SV2C: variants seen among roughly 807,000 people sequenced by gnomAD.
SV2C encodes solute carrier family 22 member B3.
A neutral mutation model predicts 79.7 loss-of-function variants in SV2C; 49 were observed. That is an observed-to-expected ratio of 0.61 (90% CI 0.49 to 0.78). The LOEUF (loss-of-function observed/expected upper bound fraction) is 0.78. Ranked by LOEUF, SV2C falls within the 30% of genes least tolerant of loss-of-function variation. SV2C has a pLI of 0.00. For synonymous variants in SV2C, 334 were observed against 333.2 expected, an observed-to-expected ratio of 1.00 and a Z score of -0.03; for missense variants, 833 against 912.9, an observed-to-expected ratio of 0.91 and a Z score of 1.13.
At chr5:76,024,321 A>T in the SV2C span, among the ~76,000 whole-genome samples, 1 of 152,220 alleles carries the variant, frequency 6.6e-6, no homozygotes, top group South Asian at 2.1e-4. Flanking sequence ...AACTTTTCAA[A>T]ATATATATAT....
intron 1 of SV2C, among the ~76,000 whole-genome samples, chr5:76,086,268 G>C (rs539216309): frequency 8.5e-5 from 13 of 152,304 alleles, no homozygotes; most frequent in East Asian, 1.9e-4. Flanking sequence ...AATATATCAC[G>C]TGACGACAAG....
chr5:76,146,196 A>C (rs1048013521), intron 2 of SV2C, among the ~76,000 whole-genome samples: 1 of 152,182 alleles, frequency 6.6e-6, no homozygotes, highest in African/African-American at 2.4e-5. Flanking sequence ...GCAGCCATGT[A>C]GGTGTTACAG....
intron 12 of SV2C, among the ~76,000 whole-genome samples, chr5:76,315,055 G>A (rs1748572519): frequency 1.3e-5 from 2 of 152,034 alleles, no homozygotes; most frequent in Admixed American, 6.6e-5. Context: ...GGAGATAAAG[G>A]GCTACTTGGG....
At chr5:75,856,576 C>T in the SV2C span, among the ~76,000 whole-genome samples, 1 of 152,098 alleles carries the variant, frequency 6.6e-6, no homozygotes, top group Non-Finnish European at 1.5e-5. Context: ...TGCCTGTTTG[C>T]CATTTGTATG....
the SV2C span, among the ~76,000 whole-genome samples, chr5:75,916,595 C>T: frequency 6.6e-6 from 1 of 152,152 alleles, no homozygotes; most frequent in Non-Finnish European, 1.5e-5. Flanking sequence ...CCTGCCTCAG[C>T]CTCCGAGTAG....
At chr5:76,220,635 AAG>A (rs1554040862) in intron 4 of SV2C, among the ~76,000 whole-genome samples, 1 of 151,616 alleles carries the variant, frequency 6.6e-6, no homozygotes, top group Non-Finnish European at 1.5e-5. Flanking sequence ...AAAAAAAAAA[AAG>A]AATTGACTAG....
the SV2C span, among the ~76,000 whole-genome samples, chr5:76,059,317 G>A: frequency 6.6e-6 from 1 of 151,992 alleles, no homozygotes; most frequent in African/African-American, 2.4e-5. Flanking sequence ...TGTAGCATGC[G>A]AGGATGTTTG....
chr5:76,073,079 C>T, the SV2C span, among the ~76,000 whole-genome samples: 30 of 152,310 alleles, frequency 2.0e-4, 1 homozygote, highest in South Asian at 6.2e-3. Context: ...TTTTGCTTTG[C>T]AGAAGCTTTA....
chr5:76,344,641 G>A (rs954130507), intron 12 of SV2C, among the ~76,000 whole-genome samples: 102 of 152,158 alleles, frequency 6.7e-4, no homozygotes, highest in African/African-American at 2.3e-3. Context: ...CCTGGGAGGC[G>A]GAGGTTGTGG....
At chr5:76,077,797 T>C in the SV2C span, among the ~76,000 whole-genome samples, 2 of 152,282 alleles carry the variant, frequency 1.3e-5, no homozygotes, top group Middle Eastern at 3.4e-3. Flanking sequence ...ATAGGGTCCA[T>C]GTGGATCTGG....
At chr5:76,151,324 C>T (rs911214790) in intron 2 of SV2C, among the ~76,000 whole-genome samples, 4 of 152,154 alleles carry the variant, frequency 2.6e-5, no homozygotes, top group African/African-American at 9.7e-5. Flanking sequence ...CAATTGGAAA[C>T]GTGGGTGGGA....
chr5:75,945,985 T>C, the SV2C span, among the ~76,000 whole-genome samples: 10 of 151,786 alleles, frequency 6.6e-5, no homozygotes, highest in South Asian at 2.1e-4. Context: ...AAGAAAGATC[T>C]CAAATTAATA....
At chr5:75,897,343 G>C in the SV2C span, among the ~76,000 whole-genome samples, 1 of 151,814 alleles carries the variant, frequency 6.6e-6, no homozygotes, top group Admixed American at 6.6e-5. Flanking sequence ...CTCATTGCTT[G>C]TTTTTGTCAG....
At chr5:76,015,367 C>G in the SV2C span, among the ~76,000 whole-genome samples, 7 of 152,166 alleles carry the variant, frequency 4.6e-5, no homozygotes, top group Admixed American at 4.6e-4. Flanking sequence ...AACTGCCTAC[C>G]TTAGCCTAGC....
chr5:75,915,504 T>G, the SV2C span, among the ~76,000 whole-genome samples: 1 of 152,356 alleles, frequency 6.6e-6, no homozygotes, highest in South Asian at 2.1e-4. Context: ...GGAGACTTCA[T>G]TGCACTTAAA....
intron 1 of SV2C, among the ~76,000 whole-genome samples, chr5:76,084,749 G>A (rs944582526): frequency 3.9e-5 from 6 of 152,012 alleles, no homozygotes; most frequent in African/African-American, 1.2e-4. Flanking sequence ...GCGCGCGTGT[G>A]TGCGTCAAAA....
chr5:76,023,684 G>GTGTATATATATA, the SV2C span, among the ~76,000 whole-genome samples: 2 of 148,740 alleles, frequency 1.3e-5, no homozygotes, highest in Non-Finnish European at 3.0e-5. Flanking sequence ...ATGTGTGTGT[G>GTGTATATATATA]TATATATATA....
intron 12 of SV2C, among the ~76,000 whole-genome samples, chr5:76,309,103 TA>T (rs1939209319): frequency 6.6e-6 from 1 of 152,182 alleles, no homozygotes; most frequent in African/African-American, 2.4e-5. Context: ...ACATTTCAGT[TA>T]GAGCAAATAC....
In SV2C at chr5:76,132,193, G is replaced by T; in HGVS notation, c.443G>T (p.Gly148Val). The T allele has an allele frequency of 6.2e-7, 1 of 1,614,152 alleles. No individual in the cohort carries two copies. Among genetic ancestry groups the T allele is most frequent in the Non-Finnish European group, 8.5e-7 (1 of 1,180,020 alleles). ...CTGATAATCCAAGAATGCGGTCATG[G>T]TCGTTTTCAGTGGGCCCTTTTCTTC... ...YELIIQECGH[G>V]RFQWALFFVL... The change falls in exon 2 of 13, where the codon GGT becomes GTT. Residue 148 changes from glycine (G) to valine (V), a missense_variant. Physicochemically the swap from Gly to Val is moderately radical, Grantham distance 109. Coordinates refer to ENST00000502798, the MANE Select transcript of SV2C (RefSeq NM_014979.4).
Sources: allele counts gnomAD v4.1 joint callset (sites outside exome capture counted in the v4.1 genomes callset), GRCh38; gene constraint gnomAD v4.1.1; transcripts MANE v1.5; gene names NCBI Gene and HGNC (gene_info 2026-07-23, HGNC 2026-07-21).